The following ST8SIA4 variants were observed in gnomAD, a reference collection of about 807,000 sequenced individuals.
ST8SIA4 encodes the protein CMP-N-acetylneuraminate-poly-alpha-2,8-sialyltransferase.
ST8SIA4 carries 15 observed loss-of-function variants against 33.9 expected under a neutral mutation model. The ratio of observed to expected loss-of-function variants is 0.44; its 90% confidence interval spans 0.30 to 0.68. The LOEUF (loss-of-function observed/expected upper bound fraction) is 0.68. Among genes scored for constraint, ST8SIA4 ranks in the 30% least tolerant of loss-of-function variants. The pLI, the probability that ST8SIA4 is intolerant of heterozygous loss-of-function variation, is 0.10. For synonymous variants in ST8SIA4, 171 were observed against 151.2 expected, an observed-to-expected ratio of 1.13 and a Z score of -0.96; for missense variants, 321 against 428.0, an observed-to-expected ratio of 0.75 and a Z score of 2.21.
chr5:100,845,764 T>C lies in ST8SIA4; in HGVS notation c.797+10339A>G, dbSNP rs191204681. On this transcript the variant is annotated intron_variant, in intron 4 of 4. Transcript: ENST00000231461. Reference sequence around the variant, plus strand: ...GCTAAAATATTTTTAGTAACGATTTTTCCTCTATTGAACACCATGATAAAT... The same window carrying C: ...GCTAAAATATTTTTAGTAACGATTTCTCCTCTATTGAACACCATGATAAAT... 7.6e-4 allele frequency among the ~76,000 whole-genome samples: 115 copies of C among 152,136 alleles called. No homozygotes were observed. The East Asian group carries it at 0.016, about 22-fold the overall frequency.
chr5:100,857,640 G>A (rs1751846254), intron 3 of ST8SIA4, among the ~76,000 whole-genome samples: 1 of 151,796 alleles, frequency 6.6e-6, no homozygotes, highest in Non-Finnish European at 1.5e-5. Context: ...TCTTCCTTGT[G>A]TATTTTGTCA....
chr5:100,897,317 A>G (rs944088202), intron 1 of ST8SIA4, among the ~76,000 whole-genome samples: 5 of 152,194 alleles, frequency 3.3e-5, no homozygotes, highest in Non-Finnish European at 7.3e-5. Context: ...CATGCATGCC[A>G]TTAAAACATT....
chr5:100,822,563 C>A (rs1248856444), intron 4 of ST8SIA4, among the ~76,000 whole-genome samples: 3 of 152,042 alleles, frequency 2.0e-5, no homozygotes, highest in Non-Finnish European at 4.4e-5. Flanking sequence ...TGATAACGTA[C>A]AAATAATAGT....
chr5:100,844,792 T>C (rs1478912693), intron 4 of ST8SIA4, among the ~76,000 whole-genome samples: 1 of 152,074 alleles, frequency 6.6e-6, no homozygotes, highest in East Asian at 1.9e-4. Context: ...AATAAGTTTA[T>C]AGCTAAAGGC....
At chr5:100,888,058 G>A (rs967615614) in intron 2 of ST8SIA4, among the ~76,000 whole-genome samples, 1 of 151,932 alleles carries the variant, frequency 6.6e-6, no homozygotes, top group Non-Finnish European at 1.5e-5. Context: ...CCATTAAATT[G>A]AGAGGAGGAA....
chr5:100,853,700 G>C (rs1751750741), intron 4 of ST8SIA4, among the ~76,000 whole-genome samples: 1 of 152,148 alleles, frequency 6.6e-6, no homozygotes, highest in Non-Finnish European at 1.5e-5. Context: ...CAAAGTTTAT[G>C]TTTAAAATAT....
intron 4 of ST8SIA4, among the ~76,000 whole-genome samples, chr5:100,824,737 C>T (rs1326636047): frequency 3.3e-5 from 5 of 151,986 alleles, no homozygotes; most frequent in Admixed American, 1.3e-4. Context: ...TGAGTTCCTC[C>T]AATGGCTGCC....
At chr5:100,831,149 T>A (rs1300946756) in intron 4 of ST8SIA4, among the ~76,000 whole-genome samples, 3 of 152,354 alleles carry the variant, frequency 2.0e-5, no homozygotes, top group East Asian at 3.9e-4. Context: ...AAATTAACTT[T>A]TTGAATTATT....
chr5:100,816,297 T>C (rs1750915337), intron 4 of ST8SIA4, among the ~76,000 whole-genome samples: 1 of 152,192 alleles, frequency 6.6e-6, no homozygotes, highest in African/African-American at 2.4e-5. Context: ...TATCTCATAA[T>C]AAAAGCAGAT....
chr5:100,856,456 G>A, intron 3 of ST8SIA4, 60 bp from the exon 4 acceptor site: 1 of 1,470,490 alleles, frequency 6.8e-7, no homozygotes, highest in Non-Finnish European at 9.2e-7. Context: ...CTGGTAAAAT[G>A]GTGTTCATGA....
intron 3 of ST8SIA4, 28 bp downstream of exon 3, chr5:100,886,315 C>A: frequency 1.3e-6 from 2 of 1,592,200 alleles, no homozygotes; most frequent in East Asian, 2.2e-5. Context: ...GAAAAACTTA[C>A]AATCTCAAAA....
chr5:100,866,203 T>A (rs924709572), intron 3 of ST8SIA4, among the ~76,000 whole-genome samples: 1 of 152,160 alleles, frequency 6.6e-6, no homozygotes, highest in African/African-American at 2.4e-5. Context: ...TGTGGATTAA[T>A]TACATAGTTA....
rs546678992 is a variant in ST8SIA4, at chr5:100,851,865, A to C, written c.797+4238T>G. 1.6e-4 allele frequency among the ~76,000 whole-genome samples: 25 copies of C among 152,114 alleles called. No individual in the cohort carries two copies. In the East Asian group the frequency reaches 4.4e-3, roughly 27 times the overall value. ...CAAATTAAAGTAACTGTAAAATAAGAATTTTTACCTAACTCTAAGTATTTT... is the reference window on the plus strand; with the variant it reads ...CAAATTAAAGTAACTGTAAAATAAGCATTTTTACCTAACTCTAAGTATTTT... On this transcript the variant is annotated intron_variant, in intron 4 of 4. Transcript: ENST00000231461.
chr5:100,867,699 C>G lies in ST8SIA4; in HGVS notation c.504-11303G>C, dbSNP rs756902335. ...AAACAAAAAAACTTAATACCATATT[C>G]ACTTGTCATTCTTAGAAATACCTTT... is the stretch of plus-strand genomic sequence containing the variant. On this transcript the variant is annotated intron_variant, in intron 3 of 4. Transcript: ENST00000231461. Among the ~76,000 whole-genome samples, 20 of 152,064 alleles carry G rather than the reference C, an allele frequency of 1.3e-4. No homozygotes were observed. The South Asian group carries it at 3.3e-3, about 25-fold the overall frequency.
chr5:100,890,908 A>G (rs1752646199), intron 2 of ST8SIA4: 1 of 151,954 alleles, frequency 6.6e-6, no homozygotes, highest in African/African-American at 2.4e-5. Context: ...ACTGACAACA[A>G]GTAGAGTTCT....
intron 4 of ST8SIA4, among the ~76,000 whole-genome samples, chr5:100,835,207 C>T (rs1751343092): frequency 6.6e-6 from 1 of 152,066 alleles, no homozygotes. Context: ...ACATGATTAG[C>T]TATACAGTGA....
intron 3 of ST8SIA4, among the ~76,000 whole-genome samples, chr5:100,866,593 C>CAG (rs1233842276): frequency 2.0e-5 from 3 of 151,460 alleles, no homozygotes; most frequent in African/African-American, 7.3e-5. Context: ...CACACACACA[C>CAG]ACACACACAC....
At chr5:100,892,827 G>A (rs1036451980) in intron 2 of ST8SIA4, among the ~76,000 whole-genome samples, 2 of 151,860 alleles carry the variant, frequency 1.3e-5, no homozygotes, top group African/African-American at 2.4e-5. Flanking sequence ...TCACACACCC[G>A]GGCCTGTCGG....
rs1166515322 is a variant in ST8SIA4, at chr5:100,807,247, A to T, written c.*4600T>A. On this transcript the variant is annotated 3_prime_UTR_variant, in exon 5 of 5. Coordinates refer to ENST00000231461, the MANE Select transcript of ST8SIA4 (RefSeq NM_005668.6). The stretch of plus-strand genomic sequence containing the variant: ...TATTTTACAATTTTACAAATGATAA[A>T]ACAATAATACCCGGTTGCTATACAC... 1 of 152,558 alleles carries T rather than the reference A, an allele frequency of 6.6e-6. No individual in the cohort carries two copies. Among genetic ancestry groups the T allele is most frequent in the African/African-American group, 2.4e-5 (1 of 41,450 alleles). The allele number at this position is 152,558 out of a possible 1,614,324, so 9.5% of individuals were successfully genotyped here. A position where few individuals can be genotyped will look rare whatever the true frequency, so the allele number is the denominator to read the frequency against.
Sources: gnomAD v4.1 joint callset for allele counts (sites outside exome capture counted in the v4.1 genomes callset) on GRCh38, gnomAD v4.1.1 for gene constraint, MANE v1.5 for transcripts, NCBI Gene and HGNC (gene_info 2026-07-23, HGNC 2026-07-21) for gene names.